PSG2: variants seen among roughly 807,000 people sequenced by gnomAD.
PSG2 encodes the protein pregnancy specific beta-1-glycoprotein 2.
PSG2 carries 49 observed loss-of-function variants against 36.2 expected under a neutral mutation model. The ratio of observed to expected loss-of-function variants is 1.35; its 90% CI spans 1.08 to 1.72. The LOEUF (loss-of-function observed/expected upper bound fraction) is 1.72. PSG2 is among the 40% of genes most tolerant of loss of function. PSG2 has a pLI of 0.00. For synonymous variants in PSG2, 261 were observed against 155.6 expected (o/e 1.68, Z -5.04); for missense variants, 605 against 407.2 (o/e 1.49, Z -4.18).
intron 2 of PSG2, among the ~76,000 whole-genome samples, chr19:43,076,035 C>A (rs1158257462): frequency 6.6e-6 from 1 of 151,658 alleles, no homozygotes; most frequent in Admixed American, 6.6e-5. Context: ...GGTATGTTTT[C>A]TCTGCAGCTT....
In PSG2 at chr19:43,065,327, T is replaced by C. The variant is rs1967725499; in HGVS notation, c.*41-726A>G. Among the ~76,000 whole-genome samples, 3 of 151,788 alleles carry C rather than the reference T, an allele frequency of 2.0e-5. No individual in the cohort carries two copies. The South Asian group carries it at 6.2e-4, about 32-fold the overall frequency. On this transcript the variant is annotated intron_variant, in intron 5 of 5. Coordinates refer to ENST00000406487, the MANE Select transcript of PSG2 (RefSeq NM_031246.4). ...ATTCATAAATAGGGCCAAAAATGTA[T>C]AGTCTTATGTATGTTGAAAAAGGTC...
intron 2 of PSG2, among the ~76,000 whole-genome samples, chr19:43,079,266 G>T (rs751263020): frequency 1.3e-5 from 2 of 151,432 alleles, no homozygotes; most frequent in East Asian, 3.9e-4. Context: ...GCTGCCCCCA[G>T]TTCCACAGTC....
intron 5 of PSG2, among the ~76,000 whole-genome samples, chr19:43,064,988 C>A (rs755601707): frequency 2.0e-5 from 3 of 151,646 alleles, no homozygotes; most frequent in Non-Finnish European, 2.9e-5. Context: ...CCTGCCACCA[C>A]ACCCGGCTAA....
chr19:43,075,288 G>C, intron 3 of PSG2, 66 bp downstream of exon 3: 2 of 1,612,526 alleles, frequency 1.2e-6, no homozygotes, highest in Non-Finnish European at 1.7e-6. Flanking sequence ...GGACTGAGAG[G>C]CCTGGCCTCT....
At chr19:43,069,037 C>G (rs1031375424) in intron 4 of PSG2, among the ~76,000 whole-genome samples, 2 of 151,592 alleles carry the variant, frequency 1.3e-5, no homozygotes, top group African/African-American at 4.9e-5. Context: ...AATCAGCATT[C>G]AAACGTCAGT....
At chr19:43,072,557 G>T in intron 3 of PSG2, 8 of 1,611,268 alleles carry the variant, frequency 5.0e-6, no homozygotes, top group Non-Finnish European at 6.8e-6. Context: ...AGGTTCACAG[G>T]TGAAGGCTAA....
intron 1 of PSG2, chr19:43,082,122 C>CTTTTTTTTTTTTTTTT (rs71169213): frequency 2.9e-5 from 2 of 67,938 alleles, no homozygotes; most frequent in African/African-American, 1.6e-4. Context: ...TTTCTTCTCT[C>CTTTTTTTTTTTTTTTT]TTTTTTTTTT....
intron 4 of PSG2, among the ~76,000 whole-genome samples, chr19:43,069,440 C>G (rs1321831507): frequency 1.3e-5 from 2 of 151,748 alleles, no homozygotes; most frequent in Non-Finnish European, 2.9e-5. Flanking sequence ...GGAGGACTCA[C>G]ACTTTCTGAT....
At chr19:43,076,440 T>C (rs576546572) in intron 2 of PSG2, among the ~76,000 whole-genome samples, 1 of 151,898 alleles carries the variant, frequency 6.6e-6, no homozygotes, top group Admixed American at 6.5e-5. Flanking sequence ...TGTGGATGTT[T>C]GCAAATGCGA....
Position 43,075,476 on chromosome 19 carries a change from G to T in PSG2, c.587C>A (p.Ser196Tyr). 1.9e-6 allele frequency: 3 copies of T among 1,613,146 alleles called. No individual in the cohort carries two copies. The South Asian group carries it at 3.3e-5, about 18-fold the overall frequency. Reference protein sequence around the residue: ...SLPMTHRFQLSETNRTLFLFG... With the variant: ...SLPMTHRFQLYETNRTLFLFG... Reference sequence around the variant, plus strand: ...TAGAAAGAGGGTCCTGTTGGTTTCGGACAGCTGAAACCTATGAGTCATAGG... The same window carrying T: ...TAGAAAGAGGGTCCTGTTGGTTTCGTACAGCTGAAACCTATGAGTCATAGG... Residue 196 changes from serine to tyrosine, a missense_variant, in exon 3 of 6, where the codon TCC becomes TAC. By Grantham distance (144) the Ser-to-Tyr change is moderately radical (BLOSUM62 -2). Transcript: ENST00000406487.
chr19:43,081,061 C>T lies in PSG2; in HGVS notation c.250G>A (p.Val84Ile). 1.2e-6 allele frequency: 2 copies of T among 1,612,868 alleles called. No individual in the cohort carries two copies. Among genetic ancestry groups the T allele is most frequent in the Non-Finnish European group, 1.7e-6 (2 of 1,179,654 alleles). The change falls in exon 2 of 6, where the codon GTA becomes ATA. Residue 84 changes from valine (V) to isoleucine (I), a missense_variant. Transcript: ENST00000406487. The part of the protein sequence containing the change: ...DLYHYITSYV[V>I]DGQIIIYGPA... The stretch of plus-strand genomic sequence containing the variant: ...CCATATATAATTATTTGACCGTCTA[C>T]TACATATGATGTAATGTAATGGTAG...
At chr19:43,067,103 C>T (rs565607812) in intron 4 of PSG2, among the ~76,000 whole-genome samples, 3 of 151,522 alleles carry the variant, frequency 2.0e-5, no homozygotes, top group South Asian at 2.1e-4. Flanking sequence ...TTCTCCGAGG[C>T]TCTCTTTAAC....
chr19:43,075,313 G>A lies in PSG2; in HGVS notation c.709+41C>T, dbSNP rs747805133. 100 of 1,612,992 alleles carry A rather than the reference G, an allele frequency of 6.2e-5. 1 individual carries two copies. Among genetic ancestry groups the A allele is most frequent in the Non-Finnish European group, 1.9e-5 (22 of 1,179,634 alleles). On this transcript the variant is annotated intron_variant, in intron 3 of 5. Coordinates refer to ENST00000406487, the MANE Select transcript of PSG2 (RefSeq NM_031246.4). ...GCCTGGCCTCTGGCCATGTGTATTT[G>A]GGATGGCAGTCTGGCCCACAGAGGA...
chr19:43,074,699 A>T (rs1967866041), intron 3 of PSG2, among the ~76,000 whole-genome samples: 1 of 151,722 alleles, frequency 6.6e-6, no homozygotes, highest in African/African-American at 2.4e-5. Context: ...GGATCCACTT[A>T]CCAGGGACTA....
chr19:43,078,570 G>C (rs1250189036), intron 2 of PSG2, among the ~76,000 whole-genome samples: 3 of 151,578 alleles, frequency 2.0e-5, no homozygotes, highest in Non-Finnish European at 4.4e-5. Context: ...GCGGATTCCA[G>C]CACAAACTGA....
At chr19:43,066,385 G>A (rs1967739457) in intron 5 of PSG2, 132 bp downstream of exon 5, 2 of 717,478 alleles carry the variant, frequency 2.8e-6, no homozygotes, top group Admixed American at 4.0e-5. Context: ...GCAGGAATTA[G>A]TGCTGAGAAG....
At chr19:43,072,692 T>C in intron 3 of PSG2, 1 of 1,590,508 alleles carries the variant, frequency 6.3e-7, no homozygotes, top group African/African-American at 1.4e-5. Flanking sequence ...ACAGGCATCC[T>C]TCAATCAGAG....
chr19:43,074,733 G>T (rs879186373), intron 3 of PSG2, among the ~76,000 whole-genome samples: 1 of 151,702 alleles, frequency 6.6e-6, no homozygotes, highest in Non-Finnish European at 1.5e-5. Context: ...TATGAGATTT[G>T]TTCCAGCAGT....
At position 43,069,212 on chromosome 19, in the gene PSG2, T is replaced by A. The variant is rs562186307; in HGVS notation, c.964+2488A>T. Among the ~76,000 whole-genome samples the A allele has an allele frequency of 2.1e-3, 262 of 123,262 alleles. 3 individuals carry two copies. The highest frequency in any genetic ancestry group is 7.0e-3 in the African/African-American group (244 of 34,962). 80.9% of individuals were successfully genotyped at this position (123,262 alleles called of 152,430 possible). The stretch of plus-strand genomic sequence containing the variant: ...AAATATGGCTGAAAGAAATGAAAGA[T>A]GACATCAATAAATTGAAGGACATTT... On this transcript the variant is annotated intron_variant, in intron 4 of 5. Transcript: ENST00000406487.
Sources: allele counts gnomAD v4.1 joint callset (sites outside exome capture counted in the v4.1 genomes callset), GRCh38; gene constraint gnomAD v4.1.1; transcripts MANE v1.5; gene names NCBI Gene and HGNC (gene_info 2026-07-23, HGNC 2026-07-21).